Variants in WDFY1 observed in about 807,000 individuals in gnomAD.
The protein encoded by WDFY1 is WD repeat and FYVE domain containing 1.
Under a neutral mutation model 56.4 loss-of-function variants are expected in WDFY1, and 32 were observed. The observed-to-expected ratio is 0.57, with a 90% confidence interval of 0.43 to 0.76. The LOEUF (loss-of-function observed/expected upper bound fraction) is 0.76, where lower values mean the gene tolerates loss of function less well. Ranked by LOEUF, WDFY1 falls within the 30% of genes least tolerant of loss-of-function variation. The pLI is 0.00. For synonymous variants in WDFY1, 192 were observed against 197.3 expected (o/e 0.97, Z 0.23); for missense variants, 480 against 545.7 (o/e 0.88, Z 1.20).
chr2:223,884,505 G>T, intron 9 of WDFY1, 143 bp downstream of exon 9: 1 of 766,300 alleles, frequency 1.3e-6, no homozygotes, highest in Non-Finnish European at 2.2e-6. Context: ...CTCATTGTTA[G>T]TCACACAATG....
rs996064188 is a variant in WDFY1, at chr2:223,898,968, T to C, written c.588A>G (p.Lys196=). ...QNTCSVITTL[K]GHEGSVACLW... ...GATAATATAGCCTACCTTCATGTCC[T>C]TTGAGGGTTGTGATGACTGAACACG... Residue 196 remains lysine, a synonymous_variant, in exon 6 of 12, where the codon AAA becomes AAG. Transcript: ENST00000233055. The C allele has an allele frequency of 6.2e-7, 1 of 1,613,836 alleles. No homozygotes were observed. Among genetic ancestry groups the C allele is most frequent in the African/African-American group, 1.3e-5 (1 of 74,904 alleles).
intron 1 of WDFY1, among the ~76,000 whole-genome samples, chr2:223,925,725 C>A (rs10203737): frequency 0.84 from 128,008 of 152,200 alleles, 54,579 homozygotes; most frequent in Non-Finnish European, 0.93. Context: ...TCCTCCATCA[C>A]CTAAGTTTAT....
chr2:223,902,597 A>T (rs1255164105), intron 4 of WDFY1, among the ~76,000 whole-genome samples: 1 of 152,082 alleles, frequency 6.6e-6, no homozygotes, highest in Non-Finnish European at 1.5e-5. Context: ...AACTGAAAAT[A>T]ATGTTAAATT....
intron 1 of WDFY1, among the ~76,000 whole-genome samples, chr2:223,942,843 A>G (rs113050754): frequency 0.014 from 2,032 of 150,168 alleles, 36 homozygotes; most frequent in Middle Eastern, 0.052. Flanking sequence ...CCCAAAGGCT[A>G]ACTTTTAAAG....
At chr2:223,912,029 G>T (rs940100791) in intron 3 of WDFY1, among the ~76,000 whole-genome samples, 5 of 151,832 alleles carry the variant, frequency 3.3e-5, no homozygotes, top group Admixed American at 2.6e-4. Flanking sequence ...TACCCAGGCT[G>T]GTCTCAAACT....
intron 8 of WDFY1, among the ~76,000 whole-genome samples, chr2:223,892,878 T>C (rs548915514): frequency 1.3e-5 from 2 of 152,350 alleles, no homozygotes; most frequent in South Asian, 4.1e-4. Context: ...CACTTGAGTT[T>C]CCCGACTGTA....
chr2:223,898,524 C>T (rs911520753), intron 6 of WDFY1, among the ~76,000 whole-genome samples: 2 of 151,956 alleles, frequency 1.3e-5, no homozygotes, highest in African/African-American at 4.8e-5. Context: ...CTCAGCCTTC[C>T]GAGTAGCTAG....
At chr2:223,891,382 C>CAA (rs61587389) in intron 8 of WDFY1, among the ~76,000 whole-genome samples, 1 of 60,112 alleles carries the variant, frequency 1.7e-5, no homozygotes, top group Non-Finnish European at 2.9e-5. Context: ...GACTCCGTCT[C>CAA]AAAAAAAAAA....
rs369873122 is a variant in WDFY1, at chr2:223,882,021, G to A, written c.985C>T (p.Arg329Cys). The change falls in exon 10 of 12, where the codon CGC (arginine) becomes TGC (cysteine). Residue 329 changes from arginine to cysteine, a missense_variant. Arg to Cys is a radical substitution (Grantham distance 180). Transcript: ENST00000233055. ...AAGCCCATGACTGGGTAACTTGAGC[G>A]CTTGCTGCTGCACTTCCCGCAGACA... ...QAVCGKCSSK[R>C]SSYPVMGFEF... is the part of the protein sequence containing the mutation. 2.7e-5 allele frequency: 43 copies of A among 1,614,066 alleles called. No homozygotes were observed. In the African/African-American group the frequency reaches 4.1e-4, roughly 16 times the overall value.
At chr2:223,901,099 C>T in intron 5 of WDFY1, 84 bp downstream of exon 5, 1 of 1,477,322 alleles carries the variant, frequency 6.8e-7, no homozygotes, top group East Asian at 2.4e-5. Flanking sequence ...GTCTTTAGAT[C>T]TCAGCCATTT....
chr2:223,915,255 C>T (rs1693768436), intron 2 of WDFY1, among the ~76,000 whole-genome samples: 1 of 152,178 alleles, frequency 6.6e-6, no homozygotes, highest in Non-Finnish European at 1.5e-5. Flanking sequence ...TAGGTGTCGA[C>T]CACCCACTGC....
chr2:223,937,418 A>C (rs180718277), intron 1 of WDFY1, among the ~76,000 whole-genome samples: 94 of 152,318 alleles, frequency 6.2e-4, no homozygotes, highest in African/African-American at 2.2e-3. Flanking sequence ...AAAGCAATTA[A>C]ATGGAAAATA....
chr2:223,921,754 C>T (rs778974465), intron 1 of WDFY1, among the ~76,000 whole-genome samples: 3 of 152,178 alleles, frequency 2.0e-5, no homozygotes, highest in Non-Finnish European at 4.4e-5. Flanking sequence ...CCACACCTGG[C>T]TGTTGCTCAT....
In WDFY1 at chr2:223,878,734, CAAGG is replaced by C; in HGVS notation, c.1174-8_1174-5del. 6.2e-7 allele frequency: 1 copy of C among 1,609,882 alleles called. No homozygotes were observed. Among genetic ancestry groups the C allele is most frequent in the Non-Finnish European group, 8.5e-7 (1 of 1,177,450 alleles). On this transcript the variant is annotated splice_polypyrimidine_tract_variant and splice_region_variant and intron_variant, in intron 11 of 11. Coordinates refer to ENST00000233055, the MANE Select transcript of WDFY1 (RefSeq NM_020830.5). ...CCACAGGTGTCATGTCCCAGATCTA[CAAGG>C]AAGGAAGAAACGCAGAAAAGGCAGC...
chr2:223,903,785 G>A (rs1026389875), intron 4 of WDFY1, among the ~76,000 whole-genome samples: 14 of 151,726 alleles, frequency 9.2e-5, no homozygotes, highest in South Asian at 2.1e-4. Context: ...CAAGTAGTTG[G>A]GACTACAGCA....
chr2:223,917,581 ATTT>A (rs1027103590), intron 2 of WDFY1, among the ~76,000 whole-genome samples: 1 of 149,988 alleles, frequency 6.7e-6, no homozygotes, highest in Non-Finnish European at 1.5e-5. Context: ...AAACTTACTT[ATTT>A]TTTTTTTGAG....
At chr2:223,894,129 T>C (rs1381502910) in intron 8 of WDFY1, 105 bp downstream of exon 8, 10 of 1,093,216 alleles carry the variant, frequency 9.1e-6, no homozygotes, top group African/African-American at 1.6e-5. Context: ...GCTGGGACTG[T>C]CTGCACCTGG....
chr2:223,912,708 T>C (rs1402158861), intron 2 of WDFY1, among the ~76,000 whole-genome samples: 1 of 151,876 alleles, frequency 6.6e-6, no homozygotes, highest in African/African-American at 2.4e-5. Context: ...TGTCAAAGAG[T>C]AGCTGTGCAA....
At chr2:223,904,472 C>CA (rs1381264807) in intron 4 of WDFY1, among the ~76,000 whole-genome samples, 2 of 152,140 alleles carry the variant, frequency 1.3e-5, no homozygotes, top group Non-Finnish European at 2.9e-5. Flanking sequence ...AGGCTGGCCT[C>CA]AAACTCCTGA....
Sources: allele counts gnomAD v4.1 joint callset (sites outside exome capture counted in the v4.1 genomes callset), GRCh38; gene constraint gnomAD v4.1.1; transcripts MANE v1.5; gene names NCBI Gene and HGNC (gene_info 2026-07-23, HGNC 2026-07-21).